AP4E1: variants seen among roughly 807,000 people sequenced by gnomAD.
The protein encoded by AP4E1 is adaptor related protein complex 4 subunit epsilon 1.
In AP4E1, 56 loss-of-function variants were observed where a neutral mutation model predicts 128.2. That is an observed-to-expected ratio of 0.44 (90% CI 0.35 to 0.55). The LOEUF (loss-of-function observed/expected upper bound fraction) is 0.55. Among genes scored for constraint, AP4E1 ranks in the 20% least tolerant of loss-of-function variants. The pLI is 0.00. For synonymous variants in AP4E1, 484 were observed against 473.1 expected (o/e 1.02, Z -0.30); for missense variants, 1,324 against 1,307.7 (o/e 1.01, Z -0.19).
At chr15:50,976,301 GA>G (rs2064549608) in intron 15 of AP4E1, among the ~76,000 whole-genome samples, 1 of 152,016 alleles carries the variant, frequency 6.6e-6, no homozygotes, top group African/African-American at 2.4e-5. Context: ...AATAAAAGCA[GA>G]AAAAGTGTTT....
intron 3 of AP4E1, among the ~76,000 whole-genome samples, chr15:50,919,473 G>A (rs1291697511): frequency 1.2e-4 from 18 of 149,968 alleles, no homozygotes; most frequent in Middle Eastern, 3.4e-3. Context: ...CGGAGGTTGC[G>A]GTGAGCTGAG....
intron 16 of AP4E1, among the ~76,000 whole-genome samples, chr15:50,987,609 G>A (rs1387588720): frequency 1.3e-5 from 2 of 152,224 alleles, no homozygotes; most frequent in South Asian, 2.1e-4. Context: ...GTAGTTGAGC[G>A]GTTTTGAGTG....
chr15:50,961,988 C>T (rs1445681146), intron 14 of AP4E1, among the ~76,000 whole-genome samples: 1 of 151,128 alleles, frequency 6.6e-6, no homozygotes, highest in Non-Finnish European at 1.5e-5. Flanking sequence ...AAAGTAATGC[C>T]ATTTACAACA....
chr15:50,996,089 A>G (rs1007517412), intron 17 of AP4E1, among the ~76,000 whole-genome samples: 3 of 148,636 alleles, frequency 2.0e-5, no homozygotes, highest in African/African-American at 7.5e-5. Flanking sequence ...CCCAAGTTCA[A>G]GCAATTCTCC....
intron 2 of AP4E1, among the ~76,000 whole-genome samples, chr15:50,915,227 C>T (rs1245235358): frequency 6.6e-6 from 1 of 152,030 alleles, no homozygotes; most frequent in Non-Finnish European, 1.5e-5. Context: ...GTGCTACTAA[C>T]AAAATAGTGA....
At chr15:50,949,763 T>C in intron 11 of AP4E1, 63 bp from the exon 12 acceptor site, 5 of 1,262,876 alleles carry the variant, frequency 4.0e-6, no homozygotes, top group Non-Finnish European at 4.6e-6. Context: ...AAAAGATTGC[T>C]ACAGAAGGGT....
chr15:50,920,102 A>G (rs1221206635), intron 3 of AP4E1, among the ~76,000 whole-genome samples: 14 of 135,416 alleles, frequency 1.0e-4, no homozygotes, highest in Non-Finnish European at 1.7e-4. Context: ...AAAAGATAAA[A>G]TTTATGCCTT....
chr15:50,977,614 T>C lies in AP4E1; in HGVS notation c.1967-6408T>C, dbSNP rs72744324. Among the ~76,000 whole-genome samples the C allele has an allele frequency of 1.5e-3, 226 of 151,908 alleles. 1 individual carries two copies. The highest frequency in any genetic ancestry group is 4.1e-3 in the South Asian group (20 of 4,820). ...AAAATTATATATCTTAGAAATGGGG[T>C]TGGCTATAAGACAAAATAAAGAGTA... is the stretch of plus-strand genomic sequence containing the variant. On this transcript the variant is annotated intron_variant, in intron 15 of 20. Coordinates refer to ENST00000261842, the MANE Select transcript of AP4E1 (RefSeq NM_007347.5).
intron 19 of AP4E1, 130 bp downstream of exon 19, chr15:50,999,392 G>A (rs906335491): frequency 1.3e-4 from 91 of 692,146 alleles, no homozygotes; most frequent in South Asian, 3.7e-4. Flanking sequence ...CAGTTCCTAC[G>A]TTAGAGGAAT....
At chr15:50,977,356 C>T (rs62018165) in intron 15 of AP4E1, among the ~76,000 whole-genome samples, 17 of 152,128 alleles carry the variant, frequency 1.1e-4, no homozygotes, top group Admixed American at 2.6e-4. Context: ...TACAAGAGCC[C>T]TGGAATTCCC....
rs1276721389 is a variant in AP4E1 at position 50,950,148 on chromosome 15, A to T, written c.1527A>T (p.Arg509Ser). ...LDMENVFYPQ[R>S]FLQVMSWVLG... ...TGGAAAATGTGTTCTATCCACAGAG[A>T]TTTCTTCAAGTTATGAGTTGGGTGA... Residue 509 changes from arginine to serine, a missense_variant, in exon 13 of 21, where the codon AGA becomes AGT. Coordinates refer to ENST00000261842, the MANE Select transcript of AP4E1 (RefSeq NM_007347.5). The T allele has an allele frequency of 6.2e-7, 1 of 1,611,948 alleles. No homozygotes were observed. The highest frequency in any genetic ancestry group is 8.5e-7 in the Non-Finnish European group (1 of 1,178,668).
chr15:50,935,216 G>C (rs2063891853), intron 8 of AP4E1, among the ~76,000 whole-genome samples: 1 of 152,056 alleles, frequency 6.6e-6, no homozygotes, highest in African/African-American at 2.4e-5. Context: ...TGCAGGGCAT[G>C]GTGGGAGAAT....
intron 15 of AP4E1, 21 bp downstream of exon 15, chr15:50,968,398 G>C: frequency 6.5e-7 from 1 of 1,546,442 alleles, no homozygotes; most frequent in Non-Finnish European, 8.9e-7. Flanking sequence ...ATGGATTTAT[G>C]ATAAGCTAGA....
chr15:50,944,522 GCTATTGTTGGGGTGAC>G (rs2064030901), intron 10 of AP4E1: 1 of 171,776 alleles, frequency 5.8e-6, no homozygotes, highest in Admixed American at 6.2e-5. Flanking sequence ...TAAGTTGAAA[GCTATTGTTGGGGTGAC>G]CTATGTATTT....
intron 3 of AP4E1, 137 bp from the exon 4 acceptor site, chr15:50,923,794 A>T (rs1291718568): frequency 1.5e-6 from 1 of 680,184 alleles, no homozygotes; most frequent in Non-Finnish European, 2.6e-6. Context: ...AAGGTTTTTA[A>T]CCTTATATTT....
rs368645805 is a variant in AP4E1 at position 51,000,718 on chromosome 15, C to T, written c.3096-308C>T. Among the ~76,000 whole-genome samples the T allele has an allele frequency of 8.5e-5, 13 of 152,162 alleles. No homozygotes were observed. In the South Asian group the frequency reaches 1.5e-3, roughly 17 times the overall value. On this transcript the variant is annotated intron_variant, in intron 19 of 20. Transcript: ENST00000261842. ...TCAAAGTAAATATGAAAGAAAAGTT[C>T]TGTATTATAGTTGAATGATTTATGA...
rs774800945 is a variant in AP4E1 at position 50,950,082 on chromosome 15, A to T, written c.1461A>T (p.Leu487Phe). ...ATGATGAAACAGAAGATCAGCAATT[A>T]AGACTCTATGCAGTTCAGTCTTATC... ...GFDDETEDQQ[L>F]RLYAVQSYLT... Residue 487 changes from leucine to phenylalanine, a missense_variant, in exon 13 of 21, where the codon TTA (leucine) becomes TTT (phenylalanine). Transcript: ENST00000261842. 6.2e-5 allele frequency: 100 copies of T among 1,613,330 alleles called. 1 individual carries two copies. In the South Asian group the frequency reaches 1.1e-3, roughly 17 times the overall value.
intron 8 of AP4E1, among the ~76,000 whole-genome samples, chr15:50,936,284 C>A (rs895023937): frequency 2.3e-4 from 35 of 151,372 alleles, no homozygotes; most frequent in Non-Finnish European, 5.9e-5. Flanking sequence ...TTTTTGTTTG[C>A]GATGTAACCA....
chr15:50,909,719 G>A lies in AP4E1; in HGVS notation c.150+791G>A, dbSNP rs991240235. ...TTGTTTTTTTTTGAGACGGAGTCTC[G>A]CTCTGTCGCGCAGGCTGGAGTGCAG... On this transcript the variant is annotated intron_variant, in intron 1 of 20. Coordinates refer to ENST00000261842, the MANE Select transcript of AP4E1 (RefSeq NM_007347.5). Among the ~76,000 whole-genome samples the A allele has an allele frequency of 2.0e-5, 3 of 151,334 alleles. No individual in the cohort carries two copies. In the East Asian group the frequency reaches 5.9e-4, roughly 30 times the overall value.
Sources: gnomAD v4.1 joint callset for allele counts (sites outside exome capture counted in the v4.1 genomes callset) on GRCh38, gnomAD v4.1.1 for gene constraint, MANE v1.5 for transcripts, NCBI Gene and HGNC (gene_info 2026-07-23, HGNC 2026-07-21) for gene names.